Variants in CADM2 observed in about 807,000 individuals in gnomAD.
The protein encoded by CADM2 is cell adhesion molecule 2, also known as immunoglobulin superfamily member 4D.
CADM2 carries 12 observed loss-of-function variants against 49.8 expected under a neutral mutation model. The ratio of observed to expected loss-of-function variants is 0.24; its 90% CI spans 0.15 to 0.39. The LOEUF (loss-of-function observed/expected upper bound fraction) is 0.39, where lower values mean the gene tolerates loss of function less well. CADM2 is among the 10% of genes least tolerant of loss of function. The pLI, the probability that CADM2 is intolerant of heterozygous loss-of-function variation, is 1.00. For synonymous variants in CADM2, 214 were observed against 175.4 expected (o/e 1.22, Z -1.74); for missense variants, 378 against 492.3 (o/e 0.77, Z 2.20).
In CADM2 at chr3:85,051,234, G is replaced by A. The variant is rs1348580454; in HGVS notation, c.61+91566G>A. Among the ~76,000 whole-genome samples the A allele has an allele frequency of 2.6e-5, 4 of 152,094 alleles. No individual in the cohort carries two copies. The East Asian group carries it at 7.7e-4, about 29-fold the overall frequency. ...AATTAAGTCCTACCTCATATTATCAGCCCCAAAAGATTTTATCATGGCTGG... is the reference window on the plus strand; with the variant it reads ...AATTAAGTCCTACCTCATATTATCAACCCCAAAAGATTTTATCATGGCTGG... On this transcript the variant is annotated intron_variant, in intron 1 of 9. Coordinates refer to ENST00000383699, the MANE Select transcript of CADM2 (RefSeq NM_001167675.2).
intron 1 of CADM2, among the ~76,000 whole-genome samples, chr3:85,043,488 T>C (rs980132876): frequency 4.6e-5 from 7 of 151,818 alleles, no homozygotes; most frequent in Admixed American, 6.6e-5. Flanking sequence ...GAGACCAACA[T>C]GGGCAACTTC....
In CADM2 at chr3:85,048,661, C is replaced by T. The variant is rs118107408; in HGVS notation, c.61+88993C>T. On this transcript the variant is annotated intron_variant, in intron 1 of 9. Coordinates refer to ENST00000383699, the MANE Select transcript of CADM2 (RefSeq NM_001167675.2). Reference sequence around the variant, plus strand: ...TACTTAGGATGTGTAATTGAGAGAACGTGGCGATCATTTACATGTGGCATG... The same window carrying T: ...TACTTAGGATGTGTAATTGAGAGAATGTGGCGATCATTTACATGTGGCATG... 2.2e-4 allele frequency among the ~76,000 whole-genome samples: 34 copies of T among 152,188 alleles called. No individual in the cohort carries two copies. The East Asian group carries it at 5.4e-3, about 24-fold the overall frequency.
chr3:84,959,041 C>T lies in CADM2; in HGVS notation c.-567C>T. 1 of 197,850 alleles carries T rather than the reference C, an allele frequency of 5.1e-6. No homozygotes were observed. Among genetic ancestry groups the T allele is most frequent in the Non-Finnish European group, 1.0e-5 (1 of 99,356 alleles). The allele number at this position is 197,850 out of a possible 1,614,324, so 12.3% of individuals were successfully genotyped here. On this transcript the variant is annotated 5_prime_UTR_variant, in exon 1 of 10. Coordinates refer to ENST00000383699, the MANE Select transcript of CADM2 (RefSeq NM_001167675.2). ...CTGCCGCCACAGCCGCCGCTGCAGC[C>T]GGAGCATCCGGGAGCCGCCACTGCC...
intron 3 of CADM2, among the ~76,000 whole-genome samples, chr3:85,817,440 G>C (rs2073279170): frequency 7.1e-6 from 1 of 141,386 alleles, no homozygotes; most frequent in East Asian, 2.1e-4. Flanking sequence ...ACTGCACTCA[G>C]TGAGATTGAA....
chr3:85,387,180 C>T (rs1462393183), intron 1 of CADM2, among the ~76,000 whole-genome samples: 1 of 152,036 alleles, frequency 6.6e-6, no homozygotes, highest in African/African-American at 2.4e-5. Context: ...ACAGACCATG[C>T]CCATTACACT....
chr3:85,448,553 A>G (rs1370580208), intron 1 of CADM2, among the ~76,000 whole-genome samples: 2 of 151,618 alleles, frequency 1.3e-5, no homozygotes, highest in Non-Finnish European at 2.9e-5. Context: ...CAAACCTATG[A>G]CTCTCTCTTT....
At chr3:85,677,884 TTACAGCTC>T (rs762676493) in intron 1 of CADM2, among the ~76,000 whole-genome samples, 100 of 152,312 alleles carry the variant, frequency 6.6e-4, no homozygotes, top group Non-Finnish European at 1.1e-3. Context: ...ATGACTGTTC[TTACAGCTC>T]TGCTACTGGA....
At chr3:85,082,838 C>T (rs2037219913) in intron 1 of CADM2, among the ~76,000 whole-genome samples, 1 of 152,024 alleles carries the variant, frequency 6.6e-6, no homozygotes, top group Admixed American at 6.6e-5. Context: ...GCAATGTTGG[C>T]AGCAAACACA....
chr3:85,243,853 AT>A (rs1256183645), intron 1 of CADM2, among the ~76,000 whole-genome samples: 2 of 152,050 alleles, frequency 1.3e-5, no homozygotes, highest in Non-Finnish European at 2.9e-5. Context: ...AATTCAGATA[AT>A]TTATTCTACT....
In CADM2 at chr3:85,378,747, G is replaced by C. The variant is rs2033732572; in HGVS notation, c.62-347775G>C. Among the ~76,000 whole-genome samples the C allele has an allele frequency of 2.6e-5, 4 of 151,588 alleles. 1 individual carries two copies. Among genetic ancestry groups the C allele is most frequent in the Admixed American group, 2.6e-4 (4 of 15,162 alleles). On this transcript the variant is annotated intron_variant, in intron 1 of 9. Transcript: ENST00000383699. ...AGGGAAAGGGTGGGAGAGGGGTGAG[G>C]GATAAAAGACTACATATTTGGTACA...
chr3:85,092,303 C>A (rs1252574580), intron 1 of CADM2, among the ~76,000 whole-genome samples: 1 of 152,112 alleles, frequency 6.6e-6, no homozygotes, highest in Non-Finnish European at 1.5e-5. Context: ...GATTTTATTT[C>A]CTCTTCTATG....
At chr3:85,540,728 T>C (rs370128867) in intron 1 of CADM2, among the ~76,000 whole-genome samples, 7 of 152,288 alleles carry the variant, frequency 4.6e-5, no homozygotes, top group Middle Eastern at 3.4e-3. Context: ...CTACTAGGGT[T>C]CCCATAAGAA....
chr3:85,650,322 G>T (rs747640978), intron 1 of CADM2, among the ~76,000 whole-genome samples: 2 of 152,022 alleles, frequency 1.3e-5, no homozygotes, highest in Non-Finnish European at 2.9e-5. Flanking sequence ...TTTTGAACAG[G>T]CTTTAATAAT....
intron 1 of CADM2, among the ~76,000 whole-genome samples, chr3:85,563,381 T>C (rs1215453723): frequency 1.5e-5 from 2 of 135,470 alleles, no homozygotes; most frequent in Non-Finnish European, 3.2e-5. Flanking sequence ...ATTCTACGTA[T>C]TGCAAAAACA....
intron 2 of CADM2, among the ~76,000 whole-genome samples, chr3:85,746,251 G>A (rs2068616251): frequency 6.6e-6 from 1 of 152,132 alleles, no homozygotes; most frequent in Admixed American, 6.6e-5. Context: ...TTGCAGCTAT[G>A]CAAGATTCCT....
intron 1 of CADM2, among the ~76,000 whole-genome samples, chr3:85,243,774 G>A (rs971380375): frequency 6.6e-6 from 1 of 152,004 alleles, no homozygotes; most frequent in Admixed American, 6.6e-5. Flanking sequence ...AATTTGGGGA[G>A]TAAATCCACT....
At chr3:85,057,307 T>A (rs1356767221) in intron 1 of CADM2, among the ~76,000 whole-genome samples, 4 of 114,872 alleles carry the variant, frequency 3.5e-5, no homozygotes, top group Non-Finnish European at 6.5e-5. Flanking sequence ...ATTTTCAGAA[T>A]TTTTTTTTTG....
chr3:86,015,291 G>T (rs963087812), intron 8 of CADM2, among the ~76,000 whole-genome samples: 1 of 152,108 alleles, frequency 6.6e-6, no homozygotes, highest in Non-Finnish European at 1.5e-5. Context: ...CTCAGGCTTT[G>T]AAAACCTACC....
intron 2 of CADM2, among the ~76,000 whole-genome samples, chr3:85,752,620 T>A (rs1272489141): frequency 6.6e-6 from 1 of 152,096 alleles, no homozygotes; most frequent in African/African-American, 2.4e-5. Context: ...AGACAAATTA[T>A]CTGAAAACAA....
Sources: gnomAD v4.1 joint callset for allele counts (sites outside exome capture counted in the v4.1 genomes callset) on GRCh38, gnomAD v4.1.1 for gene constraint, MANE v1.5 for transcripts, NCBI Gene and HGNC (gene_info 2026-07-23, HGNC 2026-07-21) for gene names.